Variants in LRP1B observed in about 807,000 individuals in gnomAD.
The protein encoded by LRP1B is low-density lipoprotein receptor-related protein 1B.
A neutral mutation model predicts 556.6 loss-of-function variants in LRP1B; 217 were observed. That is an observed-to-expected ratio of 0.39 (90% CI 0.35 to 0.44). LRP1B has a LOEUF of 0.44. LRP1B is among the 20% of genes least tolerant of loss of function. LRP1B has a pLI of 1.00. For synonymous variants in LRP1B, 2,047 were observed against 1,865.8 expected, an observed-to-expected ratio of 1.10 and a Z score of -2.50; for missense variants, 5,053 against 5,620.8, an observed-to-expected ratio of 0.90 and a Z score of 3.23.
intron 2 of LRP1B, among the ~76,000 whole-genome samples, chr2:141,567,900 G>T (rs1341338721): frequency 4.7e-5 from 7 of 149,772 alleles, no homozygotes; most frequent in African/African-American, 1.7e-4. Context: ...CTCTTCTTCT[G>T]TTGTAGATTT....
intron 1 of LRP1B, among the ~76,000 whole-genome samples, chr2:141,940,969 A>G (rs989244421): frequency 6.6e-6 from 1 of 152,208 alleles, no homozygotes; most frequent in Non-Finnish European, 1.5e-5. Flanking sequence ...GTGCATTTCA[A>G]TGTTAGAGTT....
At position 140,540,932 on chromosome 2, in the gene LRP1B, G is replaced by A. The variant is rs139096661; in HGVS notation, c.7513+41C>T. On this transcript the variant is annotated intron_variant, in intron 45 of 90. Coordinates refer to ENST00000389484, the MANE Select transcript of LRP1B (RefSeq NM_018557.3). ...ATTTCAGTGATGTGTGTGGAATTTGGAACAGATTTGTCATATTACATTTCA... is the reference window on the plus strand; with the variant it reads ...ATTTCAGTGATGTGTGTGGAATTTGAAACAGATTTGTCATATTACATTTCA... The A allele has an allele frequency of 3.3e-4, 523 of 1,586,288 alleles. 1 individual carries two copies. The highest frequency in any genetic ancestry group is 2.7e-3 in the Middle Eastern group (16 of 5,898).
chr2:141,431,163 A>AAATAAATAAATAAATAAATG (rs1390298793), intron 3 of LRP1B, among the ~76,000 whole-genome samples: 225 of 152,004 alleles, frequency 1.5e-3, no homozygotes, highest in African/African-American at 4.7e-3. Context: ...ATAAATAAAT[A>AAATAAATAAATAAATAAATG]AATGAAATAG....
intron 2 of LRP1B, among the ~76,000 whole-genome samples, chr2:141,637,657 G>A (rs1228274200): frequency 6.6e-6 from 1 of 152,140 alleles, no homozygotes; most frequent in Admixed American, 6.6e-5. Flanking sequence ...CTATTCCTTT[G>A]GTGCTCAGCA....
rs947515508 is a variant in LRP1B at position 140,327,748 on chromosome 2, A to G, written c.12224-1870T>C. Among the ~76,000 whole-genome samples the G allele has an allele frequency of 2.0e-5, 3 of 152,140 alleles. No homozygotes were observed. In the Middle Eastern group the frequency reaches 0.01, roughly 517 times the overall value. On this transcript the variant is annotated intron_variant, in intron 79 of 90. Coordinates refer to ENST00000389484, the MANE Select transcript of LRP1B (RefSeq NM_018557.3). ...AGTATGTAATCCAATTTAATCAACA[A>G]TATTGTTTTTCAGAAGCAGTAAAAA...
intron 37 of LRP1B, among the ~76,000 whole-genome samples, chr2:140,707,746 G>A (rs888153576): frequency 9.9e-5 from 15 of 151,796 alleles, no homozygotes; most frequent in East Asian, 5.8e-4. Flanking sequence ...CTTCATTTAC[G>A]TACAGTTTTG....
chr2:141,154,132 C>G (rs1402950134), intron 7 of LRP1B, among the ~76,000 whole-genome samples: 1 of 151,704 alleles, frequency 6.6e-6, no homozygotes, highest in Non-Finnish European at 1.5e-5. Context: ...TTGTTCAGTT[C>G]AATAGATTAC....
intron 3 of LRP1B, among the ~76,000 whole-genome samples, chr2:141,323,732 T>C (rs1034931169): frequency 2.6e-5 from 4 of 151,762 alleles, no homozygotes; most frequent in African/African-American, 4.8e-5. Flanking sequence ...CCTCTTGGAG[T>C]TTCCACTCAT....
At chr2:141,378,450 T>A (rs1689517711) in intron 3 of LRP1B, among the ~76,000 whole-genome samples, 1 of 152,184 alleles carries the variant, frequency 6.6e-6, no homozygotes, top group Admixed American at 6.5e-5. Context: ...TGTGGTGGAA[T>A]GAACTCTTGA....
intron 49 of LRP1B, among the ~76,000 whole-genome samples, chr2:140,523,318 A>T (rs980024718): frequency 6.6e-6 from 1 of 151,966 alleles, no homozygotes; most frequent in African/African-American, 2.4e-5. Context: ...ATAGACACAG[A>T]AAAAGCATTC....
chr2:140,284,886 C>T (rs1017665909), intron 84 of LRP1B, among the ~76,000 whole-genome samples: 12 of 81,552 alleles, frequency 1.5e-4, no homozygotes, highest in Non-Finnish European at 2.6e-4. Context: ...CTATCTATAT[C>T]TATATATGGA....
chr2:141,084,026 T>C (rs925442832), intron 7 of LRP1B, among the ~76,000 whole-genome samples: 16 of 152,236 alleles, frequency 1.1e-4, no homozygotes, highest in Non-Finnish European at 2.4e-4. Context: ...TCTATTACCT[T>C]ATCTGCAAAA....
chr2:140,743,993 T>TAAAAAAAAAAAAA lies in LRP1B; in HGVS notation c.5758+25219_5758+25220insTTTTTTTTTTTTT, dbSNP rs1297190080. Among the ~76,000 whole-genome samples, 2 of 7,174 alleles carry TAAAAAAAAAAAAA rather than the reference T, an allele frequency of 2.8e-4. 1 individual carries two copies. The highest frequency in any genetic ancestry group is 6.3e-4 in the African/African-American group (2 of 3,180). The allele number at this position is 7,174 out of a possible 152,430, so 4.7% of individuals were successfully genotyped here. ...AAAAAAAAAAAAAAAAAAAAAAAAG[T>TAAAAAAAAAAAAA]AAAAAGTAAAATCCATAGACATAGA... On this transcript the variant is annotated intron_variant, in intron 35 of 90. Coordinates refer to ENST00000389484, the MANE Select transcript of LRP1B (RefSeq NM_018557.3).
chr2:141,973,983 A>C (rs1448248687), intron 1 of LRP1B, among the ~76,000 whole-genome samples: 1 of 151,888 alleles, frequency 6.6e-6, no homozygotes, highest in Non-Finnish European at 1.5e-5. Flanking sequence ...GGACTCAAAA[A>C]TGATTGAATT....
intron 2 of LRP1B, among the ~76,000 whole-genome samples, chr2:141,708,693 A>G (rs1417992895): frequency 8.1e-6 from 1 of 123,960 alleles, no homozygotes; most frequent in Non-Finnish European, 1.7e-5. Context: ...TATGCATCAG[A>G]ATGTAACTGT....
chr2:142,125,912 G>A (rs1245585078), intron 1 of LRP1B, among the ~76,000 whole-genome samples: 1 of 151,744 alleles, frequency 6.6e-6, no homozygotes, highest in Non-Finnish European at 1.5e-5. Context: ...ATTATTCTTG[G>A]ATTATATGGG....
intron 41 of LRP1B, among the ~76,000 whole-genome samples, chr2:140,618,194 C>T (rs913639269): frequency 6.6e-6 from 1 of 151,554 alleles, no homozygotes; most frequent in East Asian, 1.9e-4. Context: ...AGGAAACACA[C>T]TTTGCTTAAA....
intron 60 of LRP1B, among the ~76,000 whole-genome samples, chr2:140,461,457 T>C (rs1463825629): frequency 3.3e-5 from 5 of 152,196 alleles, no homozygotes; most frequent in African/African-American, 1.2e-4. Flanking sequence ...TTCCATTCTT[T>C]ATCTCCCCAT....
chr2:141,201,530 ATTAGATTACT>A lies in LRP1B; in HGVS notation c.851-12957_851-12948del, dbSNP rs147574297. On this transcript the variant is annotated intron_variant, in intron 6 of 90. Coordinates refer to ENST00000389484, the MANE Select transcript of LRP1B (RefSeq NM_018557.3). ...ACCTTGACAACTTCTGTTTGCATAT[ATTAGATTACT>A]TTAGATTACGTTTTGATTTGTGTCC... 5.8e-4 allele frequency among the ~76,000 whole-genome samples: 89 copies of A among 152,184 alleles called. 1 individual carries two copies. The highest frequency in any genetic ancestry group is 2.0e-3 in the Admixed American group (31 of 15,278).
Sources: gnomAD v4.1 joint callset for allele counts (sites outside exome capture counted in the v4.1 genomes callset) on GRCh38, gnomAD v4.1.1 for gene constraint, MANE v1.5 for transcripts, NCBI Gene and HGNC (gene_info 2026-07-23, HGNC 2026-07-21) for gene names.